The following PSMG2 variants were observed in gnomAD, a reference collection of about 807,000 sequenced individuals.
PSMG2 encodes proteasome assembly chaperone 2.
Under a neutral mutation model 31.5 loss-of-function variants are expected in PSMG2, and 21 were observed. The ratio of observed to expected loss-of-function variants is 0.67; its 90% CI spans 0.47 to 0.96. PSMG2 has a LOEUF of 0.96. Among genes scored for constraint, PSMG2 ranks in the 40% least tolerant of loss-of-function variants. The pLI is 0.00. For synonymous variants in PSMG2, 120 were observed against 110.4 expected, an observed-to-expected ratio of 1.09 and a Z score of -0.54; for missense variants, 318 against 321.2, an observed-to-expected ratio of 0.99 and a Z score of 0.08.
rs115808117 is a variant in PSMG2, at chr18:12,659,125, C to G, written c.-37+352C>G. On this transcript the variant is annotated intron_variant, in intron 1 of 6. Transcript: ENST00000585331. ...TCGATAAAATTCCACTGAGGCTAGT[C>G]CTGTGTGAAAGCCCTACAGAGTGTT... 2.6e-3 allele frequency among the ~76,000 whole-genome samples: 392 copies of G among 152,298 alleles called. 1 individual carries two copies. Among genetic ancestry groups the G allele is most frequent in the African/African-American group, 9.0e-3 (376 of 41,564 alleles).
chr18:12,699,923 A>C, upstream of PSMG2: 4 of 1,513,920 alleles, frequency 2.6e-6, no homozygotes, highest in East Asian at 9.3e-5. Flanking sequence ...GGCAGGAAAA[A>C]AAAATCAAAA....
intron 2 of PSMG2, among the ~76,000 whole-genome samples, chr18:12,711,461 T>G (rs369019164): frequency 6.6e-6 from 1 of 152,156 alleles, no homozygotes; most frequent in Non-Finnish European, 1.5e-5. Context: ...TTTGCCTTAG[T>G]CTCTTTTCCC....
upstream of PSMG2, chr18:12,701,018 G>C: frequency 6.2e-7 from 1 of 1,613,868 alleles, no homozygotes; most frequent in African/African-American, 1.3e-5. Context: ...TAAGGGCTTT[G>C]ATCAAATCTT....
At chr18:12,671,642 CTTTTTTTT>C (rs869130220) in intron 1 of PSMG2, among the ~76,000 whole-genome samples, 2 of 55,544 alleles carry the variant, frequency 3.6e-5, no homozygotes, top group Non-Finnish European at 7.2e-5. Context: ...TTCACACTTT[CTTTTTTTT>C]TTTTTTTTTT....
In PSMG2 at chr18:12,697,450, TCA is replaced by T. The variant is rs754197003; in HGVS notation, c.-36-9099_-36-9098del. 4 of 1,308,772 alleles carry T rather than the reference TCA, an allele frequency of 3.1e-6. No individual in the cohort carries two copies. The East Asian group carries it at 9.6e-5, about 31-fold the overall frequency. The allele number at this position is 1,308,772 out of a possible 1,614,324, so 81.1% of individuals were successfully genotyped here. On this transcript the variant is annotated intron_variant, in intron 1 of 6. Transcript: ENST00000585331. ...AACGAAATTATACCACACTACATAT[TCA>T]GTTAGGCCAACATAAAAGAATACTT... is the stretch of plus-strand genomic sequence containing the variant.
chr18:12,673,413 T>C, intron 1 of PSMG2: 1 of 1,607,650 alleles, frequency 6.2e-7, no homozygotes, highest in African/African-American at 1.3e-5. Context: ...AAACAGCACA[T>C]GCAGATTCAG....
chr18:12,686,474 T>G, intron 1 of PSMG2: 5 of 1,509,150 alleles, frequency 3.3e-6, no homozygotes, highest in Non-Finnish European at 4.6e-6. Flanking sequence ...GAAAAACATC[T>G]GTAATGACAT....
intron 3 of PSMG2, among the ~76,000 whole-genome samples, chr18:12,716,080 A>G (rs1050779952): frequency 3.9e-5 from 6 of 151,944 alleles, no homozygotes; most frequent in Non-Finnish European, 5.9e-5. Context: ...GCCATAGTTC[A>G]TTCGTTCTCA....
intron 1 of PSMG2, among the ~76,000 whole-genome samples, chr18:12,680,157 G>A (rs907676093): frequency 2.0e-5 from 3 of 152,104 alleles, no homozygotes; most frequent in Admixed American, 2.0e-4. Context: ...AATATTTGAG[G>A]TAAAAGTTTT....
At position 12,710,044 on chromosome 18, in the gene PSMG2, G is replaced by A. The variant is rs150185329; in HGVS notation, c.230-2658G>A. 4.5e-3 allele frequency among the ~76,000 whole-genome samples: 681 copies of A among 151,100 alleles called. 5 individuals are homozygous for A. Among genetic ancestry groups the A allele is most frequent in the African/African-American group, 0.016 (643 of 41,118 alleles). ...TGCAAGCTCTGCCTCCCGGGTTCAC[G>A]CCATTCTTCCGCCTCAGCCTCCCAA... On this transcript the variant is annotated intron_variant, in intron 2 of 6. Coordinates refer to ENST00000317615, the MANE Select transcript of PSMG2 (RefSeq NM_020232.5).
At chr18:12,681,718 A>T (rs909347398) in intron 1 of PSMG2, among the ~76,000 whole-genome samples, 10 of 152,224 alleles carry the variant, frequency 6.6e-5, no homozygotes, top group Non-Finnish European at 1.3e-4. Flanking sequence ...CAAGAACAAC[A>T]ACAAAATGCC....
At chr18:12,710,980 A>C (rs2040324250) in intron 2 of PSMG2, among the ~76,000 whole-genome samples, 2 of 152,104 alleles carry the variant, frequency 1.3e-5, no homozygotes, top group Admixed American at 1.3e-4. Flanking sequence ...TGCATCTGAA[A>C]TCCCAGCTAC....
chr18:12,719,189 G>A (rs1264422924), intron 4 of PSMG2, among the ~76,000 whole-genome samples: 1 of 151,956 alleles, frequency 6.6e-6, no homozygotes, highest in South Asian at 2.1e-4. Flanking sequence ...GGGATTGCAT[G>A]TGTGAGCCCC....
intron 2 of PSMG2, among the ~76,000 whole-genome samples, chr18:12,711,705 G>T (rs1243639023): frequency 1.3e-5 from 2 of 149,098 alleles, no homozygotes; most frequent in African/African-American, 2.5e-5. Flanking sequence ...TAGTAATCCT[G>T]TGTCCTTAGA....
chr18:12,660,261 C>T (rs995244741), intron 1 of PSMG2, among the ~76,000 whole-genome samples: 11 of 151,466 alleles, frequency 7.3e-5, no homozygotes, highest in Non-Finnish European at 1.2e-4. Context: ...CAAACTTTAT[C>T]TTTTAAAAGA....
chr18:12,672,652 T>C (rs1192721304), intron 1 of PSMG2: 1 of 982,492 alleles, frequency 1.0e-6, no homozygotes, highest in African/African-American at 1.7e-5. Flanking sequence ...GATCACAATT[T>C]ATCAGTATCA....
intron 5 of PSMG2, among the ~76,000 whole-genome samples, chr18:12,720,919 G>A (rs903595253): frequency 1.3e-5 from 2 of 152,148 alleles, no homozygotes; most frequent in African/African-American, 2.4e-5. Flanking sequence ...TAATCCTAGC[G>A]CTTTGGAAGG....
intron 3 of PSMG2, among the ~76,000 whole-genome samples, chr18:12,714,039 G>A (rs1007607424): frequency 4.6e-5 from 7 of 152,078 alleles, no homozygotes; most frequent in African/African-American, 1.7e-4. Flanking sequence ...TGTAAGCCAC[G>A]CCCAGTCCAA....
At chr18:12,676,279 CTT>C (rs1157897766) in intron 1 of PSMG2, among the ~76,000 whole-genome samples, 50 of 106,414 alleles carry the variant, frequency 4.7e-4, no homozygotes, top group African/African-American at 1.4e-3. Context: ...ACAGTAATTC[CTT>C]TTTTTTTTTT....
Sources: allele counts gnomAD v4.1 joint callset (sites outside exome capture counted in the v4.1 genomes callset), GRCh38; gene constraint gnomAD v4.1.1; transcripts MANE v1.5; gene names NCBI Gene and HGNC (gene_info 2026-07-23, HGNC 2026-07-21).